OARD1: variants seen among roughly 807,000 people sequenced by gnomAD.
OARD1 encodes the protein O-acyl-ADP-ribose deacylase 1.
In OARD1, 19 loss-of-function variants were observed where a neutral mutation model predicts 19.7. The observed-to-expected ratio is 0.96, with a 90% CI of 0.67 to 1.41. OARD1 has a LOEUF of 1.41. Ranked by LOEUF, OARD1 falls within the 40% of genes most tolerant of loss-of-function variation. The pLI is 0.00. For synonymous variants in OARD1, 70 were observed against 61.8 expected (o/e 1.13, Z -0.62); for missense variants, 190 against 183.8 (o/e 1.03, Z -0.20).
intron 1 of OARD1, chr6:41,091,763 A>C: frequency 1.9e-6 from 3 of 1,554,774 alleles, no homozygotes; most frequent in Non-Finnish European, 2.6e-6. Context: ...GCCTCCTAAA[A>C]TTTATTATGT....
intron 5 of OARD1, among the ~76,000 whole-genome samples, chr6:41,068,431 C>T (rs993009604): frequency 1.3e-5 from 2 of 152,174 alleles, no homozygotes; most frequent in Admixed American, 6.5e-5. Flanking sequence ...ACTTTCTTGA[C>T]GCAAAGTAAT....
intron 1 of OARD1, chr6:41,091,429 C>T (rs1254696152): frequency 3.6e-5 from 42 of 1,173,286 alleles, no homozygotes; most frequent in Middle Eastern, 2.1e-4. Flanking sequence ...TTGCCAGGAT[C>T]GGTGAGTGTA....
chr6:41,095,054 T>A (rs1764311201), intron 1 of OARD1, among the ~76,000 whole-genome samples: 1 of 152,210 alleles, frequency 6.6e-6, no homozygotes, highest in Non-Finnish European at 1.5e-5. Flanking sequence ...AGCTGCTTAA[T>A]TTGGTTTCCC....
intron 1 of OARD1, among the ~76,000 whole-genome samples, chr6:41,081,991 A>G (rs1019333717): frequency 6.6e-6 from 1 of 152,226 alleles, no homozygotes; most frequent in Non-Finnish European, 1.5e-5. Context: ...TATGTAGGTT[A>G]CTTTTATTAA....
Position 41,067,297 on chromosome 6 carries a change from C to T in OARD1, c.*38G>A. The T allele has an allele frequency of 7.3e-7, 1 of 1,379,228 alleles. No homozygotes were observed. Among genetic ancestry groups the T allele is most frequent in the Non-Finnish European group, 1.0e-6 (1 of 969,210 alleles). 85.4% of individuals were successfully genotyped at this position (1,379,228 alleles called of 1,614,324 possible). On this transcript the variant is annotated 3_prime_UTR_variant, in exon 6 of 6. Coordinates refer to ENST00000424266, the MANE Select transcript of OARD1 (RefSeq NM_001329686.2). ...CGGTCCTATGGCCCAGTAGAGATGA[C>T]ACAGGAGAACACGGAAACATCCAAA... is the stretch of plus-strand genomic sequence containing the variant.
chr6:41,094,106 T>C (rs1290123855), intron 1 of OARD1, among the ~76,000 whole-genome samples: 1 of 152,206 alleles, frequency 6.6e-6, no homozygotes, highest in Non-Finnish European at 1.5e-5. Context: ...TGGCCTGTTA[T>C]TAAAGCAGAG....
At chr6:41,090,405 A>C (rs1764168448) in intron 1 of OARD1, 2 of 652,172 alleles carry the variant, frequency 3.1e-6, no homozygotes, top group East Asian at 2.6e-5. Context: ...TGAACTTGAC[A>C]CTACATATTT....
chr6:41,089,692 C>G, intron 1 of OARD1: 1 of 1,612,408 alleles, frequency 6.2e-7, no homozygotes, highest in Non-Finnish European at 8.5e-7. Flanking sequence ...AGACGGCTGT[C>G]ACTGCTGGCC....
intron 1 of OARD1, among the ~76,000 whole-genome samples, chr6:41,093,309 CA>C (rs1025001787): frequency 2.0e-5 from 3 of 152,128 alleles, no homozygotes; most frequent in African/African-American, 7.2e-5. Context: ...CCTTTTCATA[CA>C]TAAAAGTAGT....
chr6:41,071,328 C>A (rs768837129), intron 2 of OARD1, 52 bp from the exon 3 acceptor site: 19 of 1,545,262 alleles, frequency 1.2e-5, no homozygotes, highest in Non-Finnish European at 1.7e-5. Context: ...CAGTAAAATA[C>A]TAAGCTATTT....
At position 41,068,854 on chromosome 6, in the gene OARD1, G is replaced by A; in HGVS notation, c.343C>T (p.Leu115Phe). ...GGATTTCCTTGCCTGGGCATGGAGA[G>A]GTCAGTGACTCCATTCTTCAGACAA... Reference protein sequence around the residue: ...SHCLKNGVTDLSMPRIGCGLD... With the variant: ...SHCLKNGVTDFSMPRIGCGLD... The change falls in exon 5 of 6, where the codon CTC becomes TTC. Residue 115 changes from leucine to phenylalanine, a missense_variant. By Grantham distance (22) the Leu-to-Phe change is conservative. Transcript: ENST00000424266. The A allele has an allele frequency of 6.4e-7, 1 of 1,573,598 alleles. No homozygotes were observed. Among genetic ancestry groups the A allele is most frequent in the Non-Finnish European group, 8.7e-7 (1 of 1,147,230 alleles).
At chr6:41,087,821 T>G (rs1202434534) in intron 1 of OARD1, among the ~76,000 whole-genome samples, 1 of 152,218 alleles carries the variant, frequency 6.6e-6, no homozygotes, top group East Asian at 1.9e-4. Flanking sequence ...AGAAATATTT[T>G]TCAAGCTTCT....
intron 1 of OARD1, among the ~76,000 whole-genome samples, chr6:41,082,460 T>C (rs1763935564): frequency 6.6e-6 from 1 of 152,228 alleles, no homozygotes; most frequent in Non-Finnish European, 1.5e-5. Flanking sequence ...TTTTCTGTTG[T>C]AAATACAGTG....
chr6:41,086,474 CA>C (rs1159234127), intron 1 of OARD1, among the ~76,000 whole-genome samples: 45 of 152,182 alleles, frequency 3.0e-4, no homozygotes, highest in African/African-American at 1.1e-3. Context: ...GGTGAGATTC[CA>C]TAGCCTCCCT....
Position 41,080,834 on chromosome 6 carries a change from G to A in OARD1, c.-41-9159C>T, listed in dbSNP as rs1334731675. 5 of 1,613,922 alleles carry A rather than the reference G, an allele frequency of 3.1e-6. No individual in the cohort carries two copies. The Admixed American group carries it at 8.3e-5, about 27-fold the overall frequency. On this transcript the variant is annotated intron_variant, in intron 1 of 4. Transcript: ENST00000480585. Reference sequence around the variant, plus strand: ...AGCAGCAGGGTGGTGTCACTGCTGTGCAGTTGCAGACTGAGGCCCAGGTGG... The same window carrying A: ...AGCAGCAGGGTGGTGTCACTGCTGTACAGTTGCAGACTGAGGCCCAGGTGG...
At chr6:41,086,899 A>G (rs1028023166) in intron 1 of OARD1, among the ~76,000 whole-genome samples, 2 of 152,192 alleles carry the variant, frequency 1.3e-5, no homozygotes, top group African/African-American at 2.4e-5. Context: ...AGAAAAGTAA[A>G]CTTGGAAAAT....
At chr6:41,084,163 C>T (rs1763980921) in intron 1 of OARD1, 2 of 1,613,964 alleles carry the variant, frequency 1.2e-6, no homozygotes, top group Non-Finnish European at 1.7e-6. Flanking sequence ...CATGCAAGTA[C>T]CTGTTTCTGG....
At chr6:41,069,950 A>G in intron 4 of OARD1, 126 bp downstream of exon 4, 1 of 761,668 alleles carries the variant, frequency 1.3e-6, no homozygotes. Context: ...AAGCTTTTTG[A>G]CATTCTTAGT....
At chr6:41,068,397 T>G (rs1215577210) in intron 5 of OARD1, among the ~76,000 whole-genome samples, 1 of 152,172 alleles carries the variant, frequency 6.6e-6, no homozygotes, top group East Asian at 1.9e-4. Context: ...AAGTGTGCAG[T>G]ATAAAAGGGA....
Sources: gnomAD v4.1 joint callset for allele counts (sites outside exome capture counted in the v4.1 genomes callset) on GRCh38, gnomAD v4.1.1 for gene constraint, MANE v1.5 for transcripts, NCBI Gene and HGNC (gene_info 2026-07-23, HGNC 2026-07-21) for gene names.